ZNF76: variants seen among roughly 807,000 people sequenced by gnomAD.
ZNF76 encodes the protein zinc finger protein 523.
Under a neutral mutation model 66.9 loss-of-function variants are expected in ZNF76, and 66 were observed. The observed-to-expected ratio is 0.99, with a 90% CI of 0.81 to 1.21. The LOEUF (loss-of-function observed/expected upper bound fraction) is 1.21. ZNF76 is among the 50% of genes most tolerant of loss of function. ZNF76 has a pLI of 0.00. For missense variants in ZNF76, 729 were observed against 760.3 expected (o/e 0.96, Z 0.48); for synonymous variants, 275 against 296.1 (o/e 0.93, Z 0.73).
At chr6:35,289,545 CCAGGA>C (rs1790077529) in intron 5 of ZNF76, among the ~76,000 whole-genome samples, 1 of 152,186 alleles carries the variant, frequency 6.6e-6, no homozygotes, top group Non-Finnish European at 1.5e-5. Context: ...GATAGTCCCA[CCAGGA>C]CCCTGCCCAG....
chr6:35,270,976 C>T (rs182364450), intron 1 of ZNF76, among the ~76,000 whole-genome samples: 34 of 150,098 alleles, frequency 2.3e-4, no homozygotes, highest in African/African-American at 7.5e-4. Context: ...AGCAAGACTT[C>T]GTCTCATAAA....
chr6:35,291,296 A>G lies in ZNF76; in HGVS notation c.644A>G (p.His215Arg), dbSNP rs1204336606. The change falls in exon 8 of 14, where the codon CAC (histidine) becomes CGC (arginine). Residue 215 changes from histidine (H) to arginine (R), a missense_variant. Transcript: ENST00000373953. ...TGGACAGGCTATGGACTGAAGAGCC[A>G]CGTTCGTACCCACACTGGTGAGAAA... ...AFATGYGLKSHVRTHTGEKPY... is the reference protein window; with the variant it reads ...AFATGYGLKSRVRTHTGEKPY... 6.2e-7 allele frequency: 1 copy of G among 1,612,136 alleles called. No individual in the cohort carries two copies. Among genetic ancestry groups the G allele is most frequent in the African/African-American group, 1.3e-5 (1 of 74,960 alleles).
Position 35,286,232 on chromosome 6 carries a change from G to C in ZNF76, c.154+24G>C, listed in dbSNP as rs1789543092. On this transcript the variant is annotated intron_variant, in intron 3 of 13. Coordinates refer to ENST00000373953, the MANE Select transcript of ZNF76 (RefSeq NM_003427.5). The stretch of plus-strand genomic sequence containing the variant: ...AGGTGAGGGCACCCCAACACACCAT[G>C]CCTTGTCGAGGGAAGCCTGACAGCC... 3.1e-6 allele frequency: 5 copies of C among 1,613,820 alleles called. No individual in the cohort carries two copies. In the South Asian group the frequency reaches 5.5e-5, roughly 18 times the overall value.
intron 1 of ZNF76, among the ~76,000 whole-genome samples, chr6:35,280,368 G>A (rs1054694878): frequency 1.4e-4 from 22 of 152,132 alleles, no homozygotes; most frequent in African/African-American, 5.3e-4. Flanking sequence ...TCTAAAAAAG[G>A]AAAGAAAAGA....
At chr6:35,273,035 A>T (rs1787343090) in intron 1 of ZNF76, among the ~76,000 whole-genome samples, 1 of 151,974 alleles carries the variant, frequency 6.6e-6, no homozygotes, top group South Asian at 2.1e-4. Flanking sequence ...GCGCACCTGT[A>T]ATCCCAGCTA....
chr6:35,280,528 C>T (rs1302041488), intron 1 of ZNF76, among the ~76,000 whole-genome samples: 1 of 137,888 alleles, frequency 7.3e-6, no homozygotes, highest in South Asian at 2.9e-4. Flanking sequence ...CCCCCCCCCC[C>T]CGCCCTGAAG....
chr6:35,292,361 G>T lies in ZNF76; in HGVS notation c.932-193G>T. The T allele has an allele frequency of 3.2e-6, 2 of 626,796 alleles. No homozygotes were observed. The highest frequency in any genetic ancestry group is 5.8e-6 in the Non-Finnish European group (2 of 347,816). 38.8% of individuals were successfully genotyped at this position (626,796 alleles called of 1,614,324 possible). A position where few individuals can be genotyped will look rare whatever the true frequency, so the allele number is the denominator to read the frequency against. ...CCTTTCCGCCTTGTCTCTGGATTCA[G>T]TGGTTCAACACCTGTGTCCTCTCTG... is the stretch of plus-strand genomic sequence containing the variant. On this transcript the variant is annotated intron_variant, in intron 9 of 13. Transcript: ENST00000373953. This position sits in a 1 kb window ranked among gnomAD's most constrained non-coding sequence, Gnocchi z 4.7.
intron 1 of ZNF76, among the ~76,000 whole-genome samples, chr6:35,260,077 T>G (rs1333084855): frequency 1.3e-5 from 1 of 75,246 alleles, no homozygotes; most frequent in African/African-American, 4.9e-5. Context: ...GGCGCCCGCC[T>G]CCACCCTTGT....
chr6:35,262,024 C>G (rs1167783414), intron 1 of ZNF76, among the ~76,000 whole-genome samples: 1 of 152,140 alleles, frequency 6.6e-6, no homozygotes, highest in Non-Finnish European at 1.5e-5. Context: ...TTTTATGTGA[C>G]AGGAGCCTTC....
chr6:35,293,723 C>A, intron 11 of ZNF76, 28 bp from the exon 12 acceptor site: 1 of 1,610,028 alleles, frequency 6.2e-7, no homozygotes, highest in Non-Finnish European at 8.5e-7. Flanking sequence ...ACTGACACTG[C>A]CAGCTCATCT....
Position 35,286,393 on chromosome 6 carries a change from C to T in ZNF76, c.226C>T (p.Pro76Ser), listed in dbSNP as rs778070625. Residue 76 changes from proline (P) to serine (S), a missense_variant, in exon 4 of 14, where the codon CCC (proline) becomes TCC (serine). Transcript: ENST00000373953. ...CAGCATGGCTTACATACACCGCACA[C>T]CCAGAGGTAGGGTCACCATCATCAC... ...DGSMAYIHRT[P>S]REGYDPSTLE... 1.2e-6 allele frequency: 2 copies of T among 1,613,940 alleles called. No homozygotes were observed. The highest frequency in any genetic ancestry group is 1.7e-6 in the Non-Finnish European group (2 of 1,179,948).
In ZNF76 at chr6:35,295,604, G is replaced by A. The variant is rs1246543313; in HGVS notation, c.*356G>A. ...AGAGATTGGGGCTGCTATGGGGACT[G>A]GCCCTGTAGGGTTGAGCCACAGACA... On this transcript the variant is annotated 3_prime_UTR_variant, in exon 14 of 14. Transcript: ENST00000373953. 11 of 342,482 alleles carry A rather than the reference G, an allele frequency of 3.2e-5. No homozygotes were observed. Among genetic ancestry groups the A allele is most frequent in the Non-Finnish European group, 5.2e-5 (9 of 172,206 alleles). The allele number at this position is 342,482 out of a possible 1,614,324, so 21.2% of individuals were successfully genotyped here.
At chr6:35,286,437 A>AGGCAGGACTGGAGGATGGGGT (rs772040803) in intron 4 of ZNF76, 38 bp downstream of exon 4, 4 of 1,591,558 alleles carry the variant, frequency 2.5e-6, no homozygotes, top group South Asian at 1.1e-5. Flanking sequence ...GAAGGATGGG[A>AGGCAGGACTGGAGGATGGGGT]GGCAGGACTG....
intron 1 of ZNF76, among the ~76,000 whole-genome samples, chr6:35,271,771 C>G (rs1787101939): frequency 6.6e-6 from 1 of 151,804 alleles, no homozygotes. Context: ...TTCCACAAGA[C>G]AAACAAAACA....
In ZNF76 at chr6:35,287,721, C is replaced by T; in HGVS notation, c.308C>T (p.Ala103Val). Residue 103 changes from alanine (A) to valine (V), a missense_variant, in exon 5 of 14, where the codon GCT becomes GTT. Ala to Val is a moderately conservative substitution (Grantham distance 64). Coordinates refer to ENST00000373953, the MANE Select transcript of ZNF76 (RefSeq NM_003427.5). The surrounding 1 kb of genome is among the most constrained non-coding windows in gnomAD (Gnocchi z 4.0). The stretch of plus-strand genomic sequence containing the variant: ...ACTGCCTACATTCACCACCCTGTGG[C>T]TGTGCCATCGGAGAGCACCATCCTG... ...GSTAYIHHPV[A>V]VPSESTILAV... 6.2e-7 allele frequency: 1 copy of T among 1,614,254 alleles called. No individual in the cohort carries two copies. Among genetic ancestry groups the T allele is most frequent in the Non-Finnish European group, 8.5e-7 (1 of 1,180,032 alleles).
In ZNF76 at chr6:35,291,672, AGCCCCACTGTGGCCGCG is replaced by A. The variant is rs1245820466; in HGVS notation, c.869_885del (p.Pro290LeufsTer8). ...GGCGAGAGGCCCTACACCTGCCCGG[AGCCCCACTGTGGCCGCG>A]GCTTCACCAGCGCCACCAACTATAA... On this transcript the variant is annotated frameshift_variant, in exon 9 of 14. Coordinates refer to ENST00000373953, the MANE Select transcript of ZNF76 (RefSeq NM_003427.5). LOFTEE classifies it high-confidence loss of function. 6.2e-7 allele frequency: 1 copy of A among 1,613,708 alleles called. No homozygotes were observed.
At chr6:35,295,114 C>T (rs1562139689) in intron 13 of ZNF76, 30 bp from the exon 14 acceptor site, 1 of 1,569,396 alleles carries the variant, frequency 6.4e-7, no homozygotes, top group Admixed American at 1.7e-5. Context: ...GTCTCACTGT[C>T]TCCTTCCTTC....
chr6:35,290,206 T>C, intron 5 of ZNF76, 60 bp from the exon 6 acceptor site: 1 of 1,598,542 alleles, frequency 6.3e-7, no homozygotes, highest in Non-Finnish European at 8.5e-7. Flanking sequence ...AGCAGGGCCC[T>C]GTGTCCCACC....
intron 1 of ZNF76, chr6:35,270,572 G>A (rs1786890140): frequency 6.6e-6 from 1 of 151,966 alleles, no homozygotes; most frequent in Admixed American, 6.6e-5. Context: ...GATTTTGTTT[G>A]TTTGTTTGAG....
Sources: gnomAD v4.1 joint callset for allele counts (sites outside exome capture counted in the v4.1 genomes callset) on GRCh38, gnomAD v4.1.1 for gene constraint, Gnocchi (gnomAD v3.1) non-coding constraint, MANE v1.5 for transcripts, NCBI Gene and HGNC (gene_info 2026-07-23, HGNC 2026-07-21) for gene names.